MYO16: variants seen among roughly 807,000 people sequenced by gnomAD.
MYO16 encodes the protein myosin XVI.
MYO16 carries 94 observed loss-of-function variants against 205.3 expected under a neutral mutation model. The ratio of observed to expected loss-of-function variants is 0.46; its 90% CI spans 0.39 to 0.54. The LOEUF (loss-of-function observed/expected upper bound fraction) is 0.54, where lower values mean the gene tolerates loss of function less well. Among genes scored for constraint, MYO16 ranks in the 20% least tolerant of loss-of-function variants. The pLI, the probability that MYO16 is intolerant of heterozygous loss-of-function variation, is 0.00. For synonymous variants in MYO16, 988 were observed against 954.0 expected (o/e 1.04, Z -0.66); for missense variants, 2,315 against 2,387.5 (o/e 0.97, Z 0.63).
intron 2 of MYO16, among the ~76,000 whole-genome samples, chr13:108,686,563 G>T (rs1397225418): frequency 6.6e-6 from 1 of 152,168 alleles, no homozygotes; most frequent in Non-Finnish European, 1.5e-5. Context: ...GTGATCACAC[G>T]TCAGCTCTGA....
In MYO16 at chr13:109,125,144, C is replaced by T; in HGVS notation, c.3568C>T (p.Leu1190Phe). The change falls in exon 30 of 35, where the codon CTT becomes TTT. Residue 1190 changes from leucine to phenylalanine, a missense_variant. By Grantham distance (22) the Leu-to-Phe change is conservative. This residue lies in a region of MYO16 where 1,097 missense variants were observed against 1,092.0 expected (regional missense o/e 1.00). Coordinates refer to ENST00000457511, the MANE Select transcript of MYO16 (RefSeq NM_001198950.3). The surrounding 1 kb of genome is among the most constrained non-coding windows in gnomAD (Gnocchi z 4.0). ...AGGATTTTTAGCACGCCAGCACCTG[C>T]TTCAGAGAATAAGCATCAGACAACA... ...IRGFLARQHL[L>F]QRISIRQQEV... 6.2e-7 allele frequency: 1 copy of T among 1,614,136 alleles called. No individual in the cohort carries two copies. Among genetic ancestry groups the T allele is most frequent in the Admixed American group, 1.7e-5 (1 of 60,020 alleles).
At chr13:108,821,220 T>G (rs1393931176) in intron 8 of MYO16, among the ~76,000 whole-genome samples, 1 of 152,136 alleles carries the variant, frequency 6.6e-6, no homozygotes, top group Non-Finnish European at 1.5e-5. Context: ...GATTTGTCAT[T>G]TGATATACTT....
At chr13:108,771,049 G>A (rs113198901) in intron 4 of MYO16, among the ~76,000 whole-genome samples, 4,616 of 152,184 alleles carry the variant, frequency 0.03, 234 homozygotes, top group African/African-American at 0.11. Context: ...AAATGCTAAT[G>A]GCGTATTTTC....
chr13:109,167,832 C>T (rs1213832834), intron 33 of MYO16, among the ~76,000 whole-genome samples: 2 of 151,960 alleles, frequency 1.3e-5, no homozygotes, highest in South Asian at 2.1e-4. Flanking sequence ...AATAAAATAA[C>T]TGCCCCCCAA....
At chr13:108,701,883 A>G (rs904026636) in intron 2 of MYO16, among the ~76,000 whole-genome samples, 2 of 152,320 alleles carry the variant, frequency 1.3e-5, no homozygotes, top group East Asian at 3.9e-4. Flanking sequence ...ACAAACAAAT[A>G]GAAATTCTGA....
intron 16 of MYO16, among the ~76,000 whole-genome samples, chr13:108,926,477 C>G (rs1882011118): frequency 6.6e-6 from 1 of 152,056 alleles, no homozygotes. Flanking sequence ...ACTGAAGAAT[C>G]TCGGGTGCAC....
chr13:108,611,958 CTT>C (rs1355504552), intron 1 of MYO16, among the ~76,000 whole-genome samples: 3 of 101,920 alleles, frequency 2.9e-5, no homozygotes, highest in Non-Finnish European at 6.1e-5. Flanking sequence ...AGGTAATATT[CTT>C]TTTTTTTTTT....
chr13:108,850,178 C>T (rs1488392317), intron 10 of MYO16, among the ~76,000 whole-genome samples: 2 of 152,158 alleles, frequency 1.3e-5, no homozygotes, highest in Non-Finnish European at 2.9e-5. Context: ...TGCCTTCCTC[C>T]AAATCCTGTT....
intron 1 of MYO16, among the ~76,000 whole-genome samples, chr13:108,643,557 T>C (rs959434111): frequency 6.6e-6 from 1 of 152,240 alleles, no homozygotes; most frequent in African/African-American, 2.4e-5. Flanking sequence ...TGTTTAGTTG[T>C]TTAAAAAGAT....
At chr13:108,842,280 T>C (rs930659110) in intron 9 of MYO16, among the ~76,000 whole-genome samples, 1 of 151,990 alleles carries the variant, frequency 6.6e-6, no homozygotes, top group Non-Finnish European at 1.5e-5. Flanking sequence ...AATGAAAAAG[T>C]AGCATGTTGA....
At chr13:108,564,546 A>G in the MYO16 span, among the ~76,000 whole-genome samples, 1 of 151,978 alleles carries the variant, frequency 6.6e-6, no homozygotes, top group Non-Finnish European at 1.5e-5. Context: ...TATTCTGGTT[A>G]TTTATCTCTT....
intron 4 of MYO16, among the ~76,000 whole-genome samples, chr13:108,768,911 T>C (rs991575647): frequency 6.6e-6 from 1 of 152,068 alleles, no homozygotes; most frequent in African/African-American, 2.4e-5. Flanking sequence ...AGAAATCAAA[T>C]GGCCATGAAC....
Position 109,176,577 on chromosome 13 carries a change from TAAA to T in MYO16, c.5324-2943_5324-2941del, listed in dbSNP as rs36054088. 7.5e-3 allele frequency among the ~76,000 whole-genome samples: 337 copies of T among 44,940 alleles called. 17 individuals carry two copies. The highest frequency in any genetic ancestry group is 0.028 in the African/African-American group (303 of 10,988). The allele number at this position is 44,940 out of a possible 152,430, so 29.5% of individuals were successfully genotyped here. A position where few individuals can be genotyped will look rare whatever the true frequency, so the allele number is the denominator to read the frequency against. ...GCAGCTAAATAAAATATTGTGCTGG[TAAA>T]AAAAAAAAAAAAAAAAAAAAAGACC... On this transcript the variant is annotated intron_variant, in intron 33 of 34. Coordinates refer to ENST00000457511, the MANE Select transcript of MYO16 (RefSeq NM_001198950.3).
intron 31 of MYO16, among the ~76,000 whole-genome samples, chr13:109,130,853 A>G: frequency 6.6e-6 from 1 of 152,252 alleles, no homozygotes; most frequent in East Asian, 1.9e-4. Flanking sequence ...GTAGCCAATT[A>G]AGTTTAGAGT....
the MYO16 span, among the ~76,000 whole-genome samples, chr13:108,531,458 G>A: frequency 6.6e-6 from 1 of 152,140 alleles, no homozygotes; most frequent in Non-Finnish European, 1.5e-5. Flanking sequence ...ATCTATTTTA[G>A]AGGTAGATTT....
At chr13:108,800,773 A>G (rs997225585) in intron 6 of MYO16, among the ~76,000 whole-genome samples, 1 of 152,206 alleles carries the variant, frequency 6.6e-6, no homozygotes, top group African/African-American at 2.4e-5. Context: ...CTAGCTTCAG[A>G]GTGGCAGGGG....
intron 16 of MYO16, among the ~76,000 whole-genome samples, chr13:108,918,054 T>C (rs1288598995): frequency 1.3e-5 from 2 of 152,264 alleles, no homozygotes; most frequent in Admixed American, 6.5e-5. Flanking sequence ...TTCTCAATTA[T>C]TTTTGTGAAT....
intron 27 of MYO16, among the ~76,000 whole-genome samples, chr13:109,098,034 G>GCCACAGAAAGTTCTCATAGTCC (rs1249793114): frequency 6.6e-6 from 1 of 152,252 alleles, no homozygotes. Flanking sequence ...CATAGACTGT[G>GCCACAGAAAGTTCTCATAGTCC]TGGCTCATGA....
At position 109,162,914 on chromosome 13, in the gene MYO16, C is replaced by G. The variant is rs1394602644; in HGVS notation, c.5165-1987C>G. ...AGTATTCTTTCAGTTTCAGCCCATT[C>G]AATAATTGCTCATTGTCAAGAGCTA... On this transcript the variant is annotated intron_variant, in intron 32 of 34. Transcript: ENST00000457511. The surrounding 1 kb of genome is among the most constrained non-coding windows in gnomAD (Gnocchi z 4.6). 1.3e-5 allele frequency among the ~76,000 whole-genome samples: 2 copies of G among 152,186 alleles called. No individual in the cohort carries two copies. Among genetic ancestry groups the G allele is most frequent in the Non-Finnish European group, 2.9e-5 (2 of 68,042 alleles).
Sources: gnomAD v4.1 joint callset for allele counts (sites outside exome capture counted in the v4.1 genomes callset) on GRCh38, gnomAD v4.1.1 for gene constraint, gnomAD v4.1.1 regional missense constraint, Gnocchi (gnomAD v3.1) non-coding constraint, MANE v1.5 for transcripts, NCBI Gene and HGNC (gene_info 2026-07-23, HGNC 2026-07-21) for gene names.